Variants in DOCK2 observed in about 807,000 individuals in gnomAD.
The protein encoded by DOCK2 is dedicator of cytokinesis 2.
DOCK2 carries 87 observed loss-of-function variants against 248.9 expected under a neutral mutation model. That is an observed-to-expected ratio of 0.35 (90% CI 0.29 to 0.42). The LOEUF (loss-of-function observed/expected upper bound fraction) is 0.42. Ranked by LOEUF, DOCK2 falls within the 10% of genes least tolerant of loss-of-function variation. The pLI is 1.00. For missense variants in DOCK2, 1,747 were observed against 2,300.2 expected (o/e 0.76, Z 4.92); for synonymous variants, 805 against 821.6 (o/e 0.98, Z 0.35).
intron 46 of DOCK2, among the ~76,000 whole-genome samples, chr5:170,070,374 A>G (rs1757640867): frequency 6.6e-6 from 1 of 152,272 alleles, no homozygotes; most frequent in Non-Finnish European, 1.5e-5. Flanking sequence ...TTCCTAATTC[A>G]GGTCCTTCTC....
intron 30 of DOCK2, among the ~76,000 whole-genome samples, 193 bp downstream of exon 30, chr5:169,996,357 A>G (rs1242541576): frequency 6.6e-6 from 1 of 152,210 alleles, no homozygotes; most frequent in East Asian, 1.9e-4. Flanking sequence ...ATAGTCATCA[A>G]CTGATCATCA....
intron 25 of DOCK2, among the ~76,000 whole-genome samples, chr5:169,775,930 G>A (rs17669642): frequency 0.078 from 11,856 of 151,734 alleles, 990 homozygotes; most frequent in East Asian, 0.35. Flanking sequence ...GGACCACACC[G>A]AGACCTCTGC....
At chr5:169,696,007 T>A in intron 10 of DOCK2, 69 bp downstream of exon 10, 1 of 1,504,524 alleles carries the variant, frequency 6.6e-7, no homozygotes, top group Non-Finnish European at 8.9e-7. Flanking sequence ...ATTGTAATGA[T>A]GATTTGTTTC....
intron 14 of DOCK2, among the ~76,000 whole-genome samples, chr5:169,705,343 T>G (rs1378255121): frequency 2.6e-5 from 4 of 152,078 alleles, no homozygotes; most frequent in Non-Finnish European, 5.9e-5. Context: ...AGAGAAAGGC[T>G]TAGATGCTGG....
chr5:169,888,129 C>T (rs1773080450), intron 27 of DOCK2, among the ~76,000 whole-genome samples: 1 of 152,166 alleles, frequency 6.6e-6, no homozygotes, highest in Non-Finnish European at 1.5e-5. Flanking sequence ...TTAGGAAATA[C>T]AAAATTTTCT....
intron 27 of DOCK2, among the ~76,000 whole-genome samples, chr5:169,869,918 C>T (rs558250755): frequency 1.2e-4 from 19 of 152,152 alleles, no homozygotes; most frequent in Non-Finnish European, 1.8e-4. Context: ...CATGCAGGAT[C>T]GTAAGAAGGA....
chr5:170,026,368 A>G (rs1755916386), intron 33 of DOCK2, among the ~76,000 whole-genome samples: 1 of 152,198 alleles, frequency 6.6e-6, no homozygotes, highest in Non-Finnish European at 1.5e-5. Flanking sequence ...GGGTTGTACC[A>G]AGCAAGGGCT....
At chr5:169,740,563 A>G (rs1481125049) in intron 22 of DOCK2, among the ~76,000 whole-genome samples, 1 of 152,226 alleles carries the variant, frequency 6.6e-6, no homozygotes, top group Non-Finnish European at 1.5e-5. Context: ...TAATCTCGTC[A>G]TTGACAAAAG....
chr5:169,989,346 C>A (rs1778151650), intron 29 of DOCK2, among the ~76,000 whole-genome samples: 1 of 152,154 alleles, frequency 6.6e-6, no homozygotes, highest in Admixed American at 6.5e-5. Context: ...CAAGATTATG[C>A]CTAGAAACCT....
intron 6 of DOCK2, among the ~76,000 whole-genome samples, chr5:169,675,901 A>G (rs531916136): frequency 5.3e-5 from 8 of 152,290 alleles, no homozygotes; most frequent in African/African-American, 1.9e-4. Flanking sequence ...CTGATGCCCC[A>G]TTGGCATCTG....
intron 27 of DOCK2, among the ~76,000 whole-genome samples, chr5:169,957,128 G>A (rs529634030): frequency 6.6e-6 from 1 of 152,228 alleles, no homozygotes; most frequent in East Asian, 1.9e-4. Context: ...AGTGCCATGA[G>A]GGCAGGGACT....
rs1763672842 is a variant in DOCK2 at position 169,747,439 on chromosome 5, A to G, written c.2311A>G (p.Arg771Gly). The change falls in exon 23 of 52, where the codon AGA becomes GGA. Residue 771 changes from arginine to glycine, a missense_variant. Arg to Gly is a moderately radical substitution (Grantham distance 125). This residue lies in a region of DOCK2 where 858 missense variants were observed against 1,183.5 expected (regional missense o/e 0.72). Coordinates refer to ENST00000520908, the MANE Select transcript of DOCK2 (RefSeq NM_004946.3). ...ACAGATGGAGTTTGAAGAATCCATG[A>G]GACGGCTCTTTGAATCCATCAACAA... ...KEQMEFEESMRRLFESINNLM... is the reference protein window; with the variant it reads ...KEQMEFEESMGRLFESINNLM... 2 of 1,613,756 alleles carry G rather than the reference A, an allele frequency of 1.2e-6. No homozygotes were observed. The highest frequency in any genetic ancestry group is 2.7e-5 in the African/African-American group (2 of 74,938).
chr5:169,976,099 G>A (rs2113773801), intron 27 of DOCK2, among the ~76,000 whole-genome samples: 1 of 152,174 alleles, frequency 6.6e-6, no homozygotes, highest in Non-Finnish European at 1.5e-5. Flanking sequence ...TTTTGGAGAT[G>A]GGAAATTCTA....
chr5:170,006,726 G>A (rs559936574), intron 30 of DOCK2, among the ~76,000 whole-genome samples: 2 of 152,298 alleles, frequency 1.3e-5, no homozygotes, highest in African/African-American at 2.4e-5. Context: ...GCCAGGGATC[G>A]CTGTCTGTGT....
At chr5:169,671,835 T>G (rs1759064506) in intron 5 of DOCK2, among the ~76,000 whole-genome samples, 1 of 152,188 alleles carries the variant, frequency 6.6e-6, no homozygotes, top group African/African-American at 2.4e-5. Context: ...TTACCTTTCG[T>G]GGTCTTAAAT....
chr5:169,667,281 G>C lies in DOCK2; in HGVS notation c.128-2007G>C, dbSNP rs536670727. Among the ~76,000 whole-genome samples, 4 of 152,278 alleles carry C rather than the reference G, an allele frequency of 2.6e-5. No homozygotes were observed. In the South Asian group the frequency reaches 8.3e-4, roughly 32 times the overall value. Reference sequence around the variant, plus strand: ...AACCCCATCACATGGGAGACAATGTGGCCAACCAGCTTTAAGGATTGGCTT... The same window carrying C: ...AACCCCATCACATGGGAGACAATGTCGCCAACCAGCTTTAAGGATTGGCTT... On this transcript the variant is annotated intron_variant, in intron 2 of 51. Coordinates refer to ENST00000520908, the MANE Select transcript of DOCK2 (RefSeq NM_004946.3).
chr5:169,861,786 A>G (rs951291121), intron 27 of DOCK2, among the ~76,000 whole-genome samples: 2 of 152,204 alleles, frequency 1.3e-5, no homozygotes, highest in African/African-American at 2.4e-5. Flanking sequence ...GATTTTAAAT[A>G]TCAATTTTTC....
chr5:170,052,301 A>G (rs1283993550), intron 41 of DOCK2, among the ~76,000 whole-genome samples: 2 of 152,152 alleles, frequency 1.3e-5, no homozygotes, highest in Non-Finnish European at 2.9e-5. Context: ...GGTTACAAAT[A>G]TGAATTTGGT....
chr5:170,026,375 G>A (rs1207781930), intron 33 of DOCK2, among the ~76,000 whole-genome samples: 12 of 152,134 alleles, frequency 7.9e-5, no homozygotes, highest in Admixed American at 7.2e-4. Context: ...ACCAAGCAAG[G>A]GCTGGCTGCT....
Sources: allele counts gnomAD v4.1 joint callset (sites outside exome capture counted in the v4.1 genomes callset), GRCh38; gene constraint gnomAD v4.1.1; regional missense constraint gnomAD v4.1.1; transcripts MANE v1.5; gene names NCBI Gene and HGNC (gene_info 2026-07-23, HGNC 2026-07-21).